The following DAAM1 variants were observed in gnomAD, a reference collection of about 807,000 sequenced individuals.
DAAM1 encodes the protein dishevelled associated activator of morphogenesis 1.
Under a neutral mutation model 130.0 loss-of-function variants are expected in DAAM1, and 52 were observed. The observed-to-expected ratio is 0.40, with a 90% confidence interval of 0.32 to 0.50. The LOEUF is 0.50. Ranked by LOEUF, DAAM1 falls within the 20% of genes least tolerant of loss-of-function variation. DAAM1 has a pLI of 0.61. For missense variants in DAAM1, 1,134 were observed against 1,303.8 expected (o/e 0.87, Z 2.01); for synonymous variants, 452 against 444.5 (o/e 1.02, Z -0.21).
chr14:59,332,299 T>A (rs984171706), intron 15 of DAAM1, among the ~76,000 whole-genome samples: 2 of 152,246 alleles, frequency 1.3e-5, no homozygotes, highest in Non-Finnish European at 2.9e-5. Flanking sequence ...CTGAATTTTT[T>A]AAAAATACAT....
chr14:59,309,354 A>G (rs972993174), intron 3 of DAAM1, among the ~76,000 whole-genome samples: 1 of 152,240 alleles, frequency 6.6e-6, no homozygotes, highest in African/African-American at 2.4e-5. Context: ...TTCTCTAGAA[A>G]AAGTTCAGGT....
In DAAM1 at chr14:59,370,779, T is replaced by G. The variant is rs1887137721; in HGVS notation, c.*1920T>G. On this transcript the variant is annotated 3_prime_UTR_variant, in exon 25 of 25. Transcript: ENST00000360909. ...AAAAAGGCTTGGAGATGAGGAAGAT[T>G]GGAATATAATGATGGTTTTGTCTGT... 1 of 152,166 alleles carries G rather than the reference T, an allele frequency of 6.6e-6. No individual in the cohort carries two copies. Among genetic ancestry groups the G allele is most frequent in the African/African-American group, 2.4e-5 (1 of 41,452 alleles). The allele number at this position is 152,166 out of a possible 1,614,324, so 9.4% of individuals were successfully genotyped here.
At chr14:59,281,628 A>G (rs1287363063) in intron 2 of DAAM1, among the ~76,000 whole-genome samples, 1 of 152,078 alleles carries the variant, frequency 6.6e-6, no homozygotes, top group Non-Finnish European at 1.5e-5. Flanking sequence ...TTTATCTTGG[A>G]AAGAATGGGA....
At chr14:59,243,407 T>C (rs772085164) in intron 1 of DAAM1, among the ~76,000 whole-genome samples, 72 of 152,336 alleles carry the variant, frequency 4.7e-4, no homozygotes, top group Admixed American at 1.6e-3. Flanking sequence ...TAGGACCCTT[T>C]TGAATACTCT....
chr14:59,365,675 C>T (rs754708305), intron 23 of DAAM1, among the ~76,000 whole-genome samples: 1 of 151,758 alleles, frequency 6.6e-6, no homozygotes, highest in Non-Finnish European at 1.5e-5. Flanking sequence ...AAGAATCTAA[C>T]AATATAACAA....
intron 1 of DAAM1, among the ~76,000 whole-genome samples, chr14:59,195,010 G>A (rs1887840248): frequency 6.6e-6 from 1 of 152,210 alleles, no homozygotes; most frequent in Non-Finnish European, 1.5e-5. Flanking sequence ...TGCCTTAACG[G>A]CATATTGCCA....
In DAAM1 at chr14:59,188,680, C is replaced by T. The variant is rs1429258975; in HGVS notation, c.-126C>T. The T allele has an allele frequency of 3.3e-5, 5 of 152,874 alleles. No individual in the cohort carries two copies. Among genetic ancestry groups the T allele is most frequent in the African/African-American group, 1.2e-4 (5 of 41,472 alleles). 9.5% of individuals were successfully genotyped at this position (152,874 alleles called of 1,614,324 possible). On this transcript the variant is annotated 5_prime_UTR_variant, in exon 1 of 25. Coordinates refer to ENST00000360909, the MANE Select transcript of DAAM1 (RefSeq NM_001270520.2). ...GTGATGTCACCTGCGAGTTAGTAAC[C>T]TACGAGCGGCTGTGAAGGAAACTGT...
intron 2 of DAAM1, among the ~76,000 whole-genome samples, chr14:59,270,205 T>C (rs1354105453): frequency 1.3e-5 from 2 of 152,200 alleles, no homozygotes; most frequent in Non-Finnish European, 2.9e-5. Flanking sequence ...ATAAAGGGAA[T>C]ACCTGAGGCT....
chr14:59,370,031 C>G lies in DAAM1; in HGVS notation c.*1172C>G, dbSNP rs2139701175. The G allele has an allele frequency of 6.6e-6, 1 of 150,706 alleles. No individual in the cohort carries two copies. Among genetic ancestry groups the G allele is most frequent in the South Asian group, 2.1e-4 (1 of 4,802 alleles). 9.3% of individuals were successfully genotyped at this position (150,706 alleles called of 1,614,324 possible). On this transcript the variant is annotated 3_prime_UTR_variant, in exon 25 of 25. Coordinates refer to ENST00000360909, the MANE Select transcript of DAAM1 (RefSeq NM_001270520.2). The stretch of plus-strand genomic sequence containing the variant: ...CAAAAAAATAAAGCTCTCAGGGAGA[C>G]ATGAATAAAATCAATGAACATTAGA...
chr14:59,235,088 A>G (rs2139451414), intron 1 of DAAM1, among the ~76,000 whole-genome samples: 1 of 152,182 alleles, frequency 6.6e-6, no homozygotes, highest in Non-Finnish European at 1.5e-5. Flanking sequence ...CATCAGGGAT[A>G]TTGGCCTGAA....
Position 59,234,737 on chromosome 14 carries a change from A to G in DAAM1, c.-37-28704A>G, listed in dbSNP as rs563339385. ...AAAGGGAAGCTTCTAGCTTTTGCCC[A>G]TTCAGTATGATATTGGTATGGGTTT... On this transcript the variant is annotated intron_variant, in intron 1 of 24. Transcript: ENST00000360909. Among the ~76,000 whole-genome samples, 19 of 152,290 alleles carry G rather than the reference A, an allele frequency of 1.2e-4. No individual in the cohort carries two copies. In the South Asian group the frequency reaches 3.9e-3, roughly 32 times the overall value.
intron 2 of DAAM1, among the ~76,000 whole-genome samples, chr14:59,288,050 C>A (rs770837176): frequency 2.6e-5 from 4 of 152,178 alleles, no homozygotes; most frequent in Non-Finnish European, 5.9e-5. Flanking sequence ...ACCAAAACAT[C>A]ATGGTACTGG....
intron 1 of DAAM1, among the ~76,000 whole-genome samples, chr14:59,254,429 C>G (rs1377124860): frequency 6.6e-6 from 1 of 152,178 alleles, no homozygotes; most frequent in Non-Finnish European, 1.5e-5. Flanking sequence ...TTTTTGTAGC[C>G]TCCACAATTT....
chr14:59,204,144 C>G (rs571476639), intron 1 of DAAM1, among the ~76,000 whole-genome samples: 2 of 152,324 alleles, frequency 1.3e-5, no homozygotes, highest in South Asian at 4.1e-4. Context: ...TTACCACAAA[C>G]TTAGTGGCTT....
intron 20 of DAAM1, among the ~76,000 whole-genome samples, chr14:59,357,584 C>T (rs1403527853): frequency 1.3e-5 from 2 of 152,134 alleles, no homozygotes; most frequent in African/African-American, 4.8e-5. Context: ...GGAGACCATC[C>T]TGGCTAACGT....
chr14:59,336,573 T>A (rs566960647), intron 15 of DAAM1, among the ~76,000 whole-genome samples: 1 of 152,296 alleles, frequency 6.6e-6, no homozygotes, highest in South Asian at 2.1e-4. Flanking sequence ...AGTAAAGGAC[T>A]TTTAAAAGAA....
At chr14:59,346,122 C>T (rs1019168121) in intron 16 of DAAM1, among the ~76,000 whole-genome samples, 1 of 127,212 alleles carries the variant, frequency 7.9e-6, no homozygotes, top group African/African-American at 3.0e-5. Context: ...CACATACAAA[C>T]ACAATCCCTT....
chr14:59,331,614 A>G, intron 14 of DAAM1, 106 bp downstream of exon 14: 1 of 1,510,988 alleles, frequency 6.6e-7, no homozygotes, highest in Non-Finnish European at 8.8e-7. Context: ...TTCATTTTCT[A>G]ATGTGGACCA....
chr14:59,294,937 C>A (rs878881469), intron 3 of DAAM1, among the ~76,000 whole-genome samples: 4 of 152,218 alleles, frequency 2.6e-5, no homozygotes, highest in Admixed American at 2.6e-4. Flanking sequence ...TGACAGCAAT[C>A]TTATCAGCAC....
Sources: gnomAD v4.1 joint callset for allele counts (sites outside exome capture counted in the v4.1 genomes callset) on GRCh38, gnomAD v4.1.1 for gene constraint, MANE v1.5 for transcripts, NCBI Gene and HGNC (gene_info 2026-07-23, HGNC 2026-07-21) for gene names.